The following SPATA16 variants were observed in gnomAD, a reference collection of about 807,000 sequenced individuals.
The protein encoded by SPATA16 is spermatogenesis-associated protein 16.
Under a neutral mutation model 63.3 loss-of-function variants are expected in SPATA16, and 36 were observed. The ratio of observed to expected loss-of-function variants is 0.57; its 90% CI spans 0.44 to 0.75. SPATA16 has a LOEUF of 0.75. SPATA16 is among the 30% of genes least tolerant of loss of function. The pLI is 0.00. For missense variants in SPATA16, 646 were observed against 679.3 expected (o/e 0.95, Z 0.54); for synonymous variants, 203 against 216.7 (o/e 0.94, Z 0.56).
chr3:172,945,607 T>C (rs1499637), intron 6 of SPATA16, among the ~76,000 whole-genome samples: 13,269 of 152,080 alleles, frequency 0.087, 1,932 homozygotes, highest in African/African-American at 0.3. Context: ...TGTGGGACTT[T>C]GTATTGGAAC....
intron 4 of SPATA16, among the ~76,000 whole-genome samples, chr3:173,001,196 T>G (rs1560092736): frequency 6.6e-6 from 1 of 151,966 alleles, no homozygotes; most frequent in Non-Finnish European, 1.5e-5. Context: ...GGGGAATTGT[T>G]CTATAATTAG....
chr3:173,108,249 T>G lies in SPATA16; in HGVS notation c.612+8871A>C, dbSNP rs543083519. 3.1e-4 allele frequency among the ~76,000 whole-genome samples: 47 copies of G among 152,300 alleles called. 1 individual carries two copies. Among genetic ancestry groups the G allele is most frequent in the African/African-American group, 1.1e-3 (45 of 41,568 alleles). Reference sequence around the variant, plus strand: ...TTCAGTATCAATCTATTTTTTAGTATTAATAGAAAAGTAGTCATTAAGTAA... The same window carrying G: ...TTCAGTATCAATCTATTTTTTAGTAGTAATAGAAAAGTAGTCATTAAGTAA... On this transcript the variant is annotated intron_variant, in intron 2 of 10. Coordinates refer to ENST00000351008, the MANE Select transcript of SPATA16 (RefSeq NM_031955.6).
At chr3:173,014,576 T>C (rs994427421) in intron 4 of SPATA16, among the ~76,000 whole-genome samples, 1 of 152,194 alleles carries the variant, frequency 6.6e-6, no homozygotes, top group African/African-American at 2.4e-5. Flanking sequence ...ATGTATCCCA[T>C]GAATCTAAAA....
intron 6 of SPATA16, among the ~76,000 whole-genome samples, chr3:172,947,009 C>T (rs1458985486): frequency 6.6e-6 from 1 of 152,120 alleles, no homozygotes; most frequent in Non-Finnish European, 1.5e-5. Context: ...AGAGACTCCA[C>T]TTGTTAGGGG....
Position 172,899,806 on chromosome 3 carries a change from T to C in SPATA16, c.1588-10114A>G, listed in dbSNP as rs1365224857. On this transcript the variant is annotated intron_variant, in intron 10 of 10. Transcript: ENST00000351008. Reference sequence around the variant, plus strand: ...GCTTTTTGAGTATTTGCTCTAGATATTACATGTGTGTGTACGTAAAATATG... The same window carrying C: ...GCTTTTTGAGTATTTGCTCTAGATACTACATGTGTGTGTACGTAAAATATG... 2.6e-5 allele frequency among the ~76,000 whole-genome samples: 4 copies of C among 152,118 alleles called. No individual in the cohort carries two copies. In the East Asian group the frequency reaches 7.7e-4, roughly 29 times the overall value.
At chr3:173,044,771 T>G (rs948996947) in intron 3 of SPATA16, among the ~76,000 whole-genome samples, 15 of 152,282 alleles carry the variant, frequency 9.9e-5, no homozygotes, top group Admixed American at 7.2e-4. Context: ...TTGAGGTTTT[T>G]TTGTTTTTGT....
At chr3:172,895,476 C>T (rs926022415) in intron 10 of SPATA16, among the ~76,000 whole-genome samples, 16 of 152,192 alleles carry the variant, frequency 1.1e-4, no homozygotes, top group East Asian at 1.9e-4. Flanking sequence ...GCTGGGATTA[C>T]AGGCATGTGC....
chr3:173,134,390 G>A lies in SPATA16; in HGVS notation c.-19+6713C>T, dbSNP rs2108349991. Among the ~76,000 whole-genome samples, 2 of 152,180 alleles carry A rather than the reference G, an allele frequency of 1.3e-5. 1 individual carries two copies. Among genetic ancestry groups the A allele is most frequent in the South Asian group, 4.2e-4 (2 of 4,818 alleles). On this transcript the variant is annotated intron_variant, in intron 1 of 10. Transcript: ENST00000351008. Reference sequence around the variant, plus strand: ...TGTAATCCCAGCTACTCAAGAGGCTGAGGCAGGAGGATCACTTGAACCCGG... The same window carrying A: ...TGTAATCCCAGCTACTCAAGAGGCTAAGGCAGGAGGATCACTTGAACCCGG...
intron 10 of SPATA16, among the ~76,000 whole-genome samples, chr3:172,913,282 T>C (rs548717736): frequency 2.0e-5 from 3 of 152,302 alleles, no homozygotes; most frequent in African/African-American, 7.2e-5. Context: ...TTCCCTGAAA[T>C]GTAGTCATTA....
At chr3:172,949,204 TG>T (rs1475994726) in intron 6 of SPATA16, among the ~76,000 whole-genome samples, 1 of 151,388 alleles carries the variant, frequency 6.6e-6, no homozygotes, top group East Asian at 1.9e-4. Flanking sequence ...TACCATAGAA[TG>T]TTTTTAAAAA....
chr3:172,927,788 A>G (rs911883770), intron 6 of SPATA16, among the ~76,000 whole-genome samples: 2 of 152,228 alleles, frequency 1.3e-5, no homozygotes, highest in Admixed American at 1.3e-4. Flanking sequence ...ATGCCATAGG[A>G]ATGCCAGTAA....
At chr3:172,986,673 A>AGG (rs753452897) in intron 4 of SPATA16, among the ~76,000 whole-genome samples, 1 of 152,000 alleles carries the variant, frequency 6.6e-6, no homozygotes, top group South Asian at 2.1e-4. Context: ...CATTTTGAGC[A>AGG]GGGGGGGGAA....
intron 2 of SPATA16, among the ~76,000 whole-genome samples, chr3:173,070,599 A>T (rs945956937): frequency 1.3e-5 from 2 of 152,208 alleles, no homozygotes; most frequent in African/African-American, 4.8e-5. Flanking sequence ...GTTAGAACTG[A>T]TAAGCAAATT....
intron 10 of SPATA16, among the ~76,000 whole-genome samples, chr3:172,910,339 G>T (rs909123031): frequency 5.3e-5 from 8 of 152,016 alleles, no homozygotes; most frequent in Non-Finnish European, 1.2e-4. Context: ...TGATCCGCCC[G>T]CCTTGGCCTT....
intron 4 of SPATA16, among the ~76,000 whole-genome samples, chr3:172,996,750 G>A (rs969564509): frequency 1.3e-5 from 2 of 152,050 alleles, no homozygotes; most frequent in Non-Finnish European, 2.9e-5. Flanking sequence ...CTTCATTGTA[G>A]TACCATATGT....
At chr3:172,911,475 C>T (rs1732371519) in intron 10 of SPATA16, among the ~76,000 whole-genome samples, 1 of 152,188 alleles carries the variant, frequency 6.6e-6, no homozygotes, top group African/African-American at 2.4e-5. Flanking sequence ...TAATGGTTTT[C>T]TTTGTGACAA....
intron 2 of SPATA16, among the ~76,000 whole-genome samples, chr3:173,072,858 A>G (rs926029057): frequency 6.6e-6 from 1 of 152,228 alleles, no homozygotes; most frequent in African/African-American, 2.4e-5. Flanking sequence ...GAGGACTCAG[A>G]AGAAGACTAG....
At chr3:173,084,676 A>G (rs924145079) in intron 2 of SPATA16, among the ~76,000 whole-genome samples, 2 of 152,134 alleles carry the variant, frequency 1.3e-5, no homozygotes, top group Admixed American at 1.3e-4. Context: ...TCTTTAATCC[A>G]TCTTCAGTTA....
In SPATA16 at chr3:172,944,523, G is replaced by A. The variant is rs561093773; in HGVS notation, c.1081+12154C>T. 1.1e-3 allele frequency among the ~76,000 whole-genome samples: 172 copies of A among 152,222 alleles called. 1 individual carries two copies. The highest frequency in any genetic ancestry group is 4.0e-3 in the African/African-American group (167 of 41,548). On this transcript the variant is annotated intron_variant, in intron 6 of 10. Coordinates refer to ENST00000351008, the MANE Select transcript of SPATA16 (RefSeq NM_031955.6). ...TATATGCCAAGAATAATTGAAAGCA[G>A]GGAAATACTTGTATACCCATGTTCA...
Sources: gnomAD v4.1 joint callset for allele counts (sites outside exome capture counted in the v4.1 genomes callset) on GRCh38, gnomAD v4.1.1 for gene constraint, MANE v1.5 for transcripts, NCBI Gene and HGNC (gene_info 2026-07-23, HGNC 2026-07-21) for gene names.